The following RPS6KA5 variants were observed in gnomAD, a reference collection of about 807,000 sequenced individuals.
RPS6KA5 encodes ribosomal protein S6 kinase A5, also known as ribosomal protein S6 kinase alpha-5.
Under a neutral mutation model 85.5 loss-of-function variants are expected in RPS6KA5, and 27 were observed. That is an observed-to-expected ratio of 0.32 (90% CI 0.23 to 0.44). The LOEUF is 0.44. Among genes scored for constraint, RPS6KA5 ranks in the 20% least tolerant of loss-of-function variants. The probability of loss-of-function intolerance (pLI) is 1.00; values close to 1 mark genes in which losing one functional copy is unlikely to be tolerated. For synonymous variants in RPS6KA5, 334 were observed against 348.2 expected, an observed-to-expected ratio of 0.96 and a Z score of 0.46; for missense variants, 811 against 980.9, an observed-to-expected ratio of 0.83 and a Z score of 2.31.
chr14:90,978,017 T>G (rs1280916023), intron 3 of RPS6KA5, among the ~76,000 whole-genome samples: 6 of 151,940 alleles, frequency 3.9e-5, no homozygotes, highest in Admixed American at 6.6e-5. Flanking sequence ...ATTGTGCCAC[T>G]GCACTCCAGC....
In RPS6KA5 at chr14:90,945,291, C is replaced by T. The variant is rs539668981; in HGVS notation, c.511-2106G>A. 5.3e-5 allele frequency among the ~76,000 whole-genome samples: 8 copies of T among 152,262 alleles called. No homozygotes were observed. In the East Asian group the frequency reaches 1.5e-3, roughly 29 times the overall value. On this transcript the variant is annotated intron_variant, in intron 4 of 16. Coordinates refer to ENST00000614987, the MANE Select transcript of RPS6KA5 (RefSeq NM_004755.4). ...GAACACAAAAGTACTAGGCAATTTT[C>T]CTTTAAGAGCCCCAGTGTTCTACAA...
At chr14:90,998,211 G>A (rs540992820) in intron 2 of RPS6KA5, among the ~76,000 whole-genome samples, 1 of 152,258 alleles carries the variant, frequency 6.6e-6, no homozygotes, top group South Asian at 2.1e-4. Flanking sequence ...GGAGGATGGT[G>A]AGCTTGCTTG....
intron 5 of RPS6KA5, among the ~76,000 whole-genome samples, chr14:90,932,169 G>A (rs1595252189): frequency 6.6e-6 from 1 of 152,072 alleles, no homozygotes. Context: ...TGTCACCCAG[G>A]CTGGAGTGCA....
chr14:90,869,080 T>A lies in RPS6KA5; in HGVS notation c.*2994A>T, dbSNP rs2032936902. On this transcript the variant is annotated 3_prime_UTR_variant, in exon 17 of 17. Coordinates refer to ENST00000614987, the MANE Select transcript of RPS6KA5 (RefSeq NM_004755.4). The stretch of plus-strand genomic sequence containing the variant: ...TTTCTTAAGACAGGGTCTCGCTCTG[T>A]TGCCCAGGCTGGAGTGCAGTGGTGT... The A allele has an allele frequency of 6.6e-6, 1 of 152,380 alleles. No individual in the cohort carries two copies. The allele number at this position is 152,380 out of a possible 1,614,324, so 9.4% of individuals were successfully genotyped here. A position where few individuals can be genotyped will look rare whatever the true frequency, so the allele number is the denominator to read the frequency against.
intron 2 of RPS6KA5, among the ~76,000 whole-genome samples, chr14:90,987,068 T>C (rs1452160325): frequency 1.3e-5 from 2 of 152,252 alleles, no homozygotes; most frequent in African/African-American, 4.8e-5. Context: ...TGGAATCATC[T>C]TTTTATTATG....
rs144848351 is a variant in RPS6KA5 at position 90,875,144 on chromosome 14, G to A, written c.1996+57C>T. On this transcript the variant is annotated intron_variant, in intron 15 of 16. Coordinates refer to ENST00000614987, the MANE Select transcript of RPS6KA5 (RefSeq NM_004755.4). ...ATATGAATGTATGTGTAATGGCCAT[G>A]ATTCTACTTCAATCACTACACATCA... is the stretch of plus-strand genomic sequence containing the variant. The A allele has an allele frequency of 4.3e-5, 64 of 1,496,480 alleles. No individual in the cohort carries two copies. The African/African-American group carries it at 7.8e-4, about 18-fold the overall frequency. 92.7% of individuals were successfully genotyped at this position (1,496,480 alleles called of 1,614,324 possible).
At chr14:90,894,053 C>T (rs1787383815) in intron 13 of RPS6KA5, 1 of 938,276 alleles carries the variant, frequency 1.1e-6, no homozygotes, top group Non-Finnish European at 1.3e-6. Flanking sequence ...TTTCAAAATA[C>T]ATCATTTGGA....
rs1290199724 is a variant in RPS6KA5, at chr14:91,033,559, G to A, written c.103+26773C>T. ...AGAGTTTGCAATGAGCCGAGATCAC[G>A]CCACTGCACTCCAGCCTGGGCAACA... On this transcript the variant is annotated intron_variant, in intron 1 of 16. Transcript: ENST00000614987. Among the ~76,000 whole-genome samples the A allele has an allele frequency of 4.6e-5, 7 of 152,252 alleles. No individual in the cohort carries two copies. The South Asian group carries it at 1.2e-3, about 27-fold the overall frequency.
rs1205986603 is a variant in RPS6KA5 at position 90,850,340 on chromosome 14, C to T, written c.*21734G>A. The T allele has an allele frequency of 1.3e-5, 2 of 152,072 alleles. No individual in the cohort carries two copies. The highest frequency in any genetic ancestry group is 1.9e-4 in the East Asian group (1 of 5,200). 9.4% of individuals were successfully genotyped at this position (152,072 alleles called of 1,614,324 possible). A position where few individuals can be genotyped will look rare whatever the true frequency, so the allele number is the denominator to read the frequency against. ...GTAGTCAATTTTAAAAATAGACATC[C>T]TTTCCCTTCTTGCTCCCTCCCATAA... is the stretch of plus-strand genomic sequence containing the variant. On this transcript the variant is annotated 3_prime_UTR_variant, in exon 17 of 17. Coordinates refer to ENST00000614987, the MANE Select transcript of RPS6KA5 (RefSeq NM_004755.4).
chr14:90,964,829 C>A (rs1388962064), intron 3 of RPS6KA5, among the ~76,000 whole-genome samples: 1 of 143,738 alleles, frequency 7.0e-6, no homozygotes, highest in Non-Finnish European at 1.5e-5. Context: ...GCAGGAAGAT[C>A]ATTTGAGCCC....
At chr14:91,034,728 G>T (rs2012280) in intron 1 of RPS6KA5, among the ~76,000 whole-genome samples, 109,877 of 152,046 alleles carry the variant, frequency 0.72, 39,795 homozygotes, top group East Asian at 0.87. Flanking sequence ...ATCTTGCTGC[G>T]GTGCACTCTT....
intron 3 of RPS6KA5, among the ~76,000 whole-genome samples, chr14:90,974,780 G>C (rs138773275): frequency 1.3e-5 from 2 of 152,364 alleles, no homozygotes; most frequent in African/African-American, 4.8e-5. Flanking sequence ...AACACCAGGT[G>C]AGTGAGCCCA....
chr14:91,021,153 A>G (rs2041759063), intron 1 of RPS6KA5, among the ~76,000 whole-genome samples: 1 of 152,186 alleles, frequency 6.6e-6, no homozygotes, highest in Admixed American at 6.5e-5. Context: ...ATCTAGATTG[A>G]GCATTCACTG....
intron 2 of RPS6KA5, among the ~76,000 whole-genome samples, chr14:90,991,818 G>A (rs1316833085): frequency 4.0e-5 from 6 of 151,870 alleles, no homozygotes; most frequent in Non-Finnish European, 8.8e-5. Context: ...CAAGGTTAGT[G>A]ATAGGCCAAA....
At chr14:90,874,390 T>A (rs2033316515) in intron 15 of RPS6KA5, among the ~76,000 whole-genome samples, 1 of 152,090 alleles carries the variant, frequency 6.6e-6, no homozygotes, top group Non-Finnish European at 1.5e-5. Context: ...GAAGTGGCTA[T>A]GGAAGAGGAT....
intron 5 of RPS6KA5, among the ~76,000 whole-genome samples, chr14:90,927,923 CTTTCT>C (rs10654326): frequency 1.5e-5 from 2 of 135,834 alleles, no homozygotes; most frequent in Non-Finnish European, 3.1e-5. Context: ...TTTTCTCTTT[CTTTCT>C]TTTCTTTTCT....
At position 91,060,560 on chromosome 14, in the gene RPS6KA5, G is replaced by A; in HGVS notation, c.-126C>T. The A allele has an allele frequency of 8.7e-7, 1 of 1,144,920 alleles. No homozygotes were observed. 70.9% of individuals were successfully genotyped at this position (1,144,920 alleles called of 1,614,324 possible). A position where few individuals can be genotyped will look rare whatever the true frequency, so the allele number is the denominator to read the frequency against. On this transcript the variant is annotated 5_prime_UTR_variant, in exon 1 of 17. Transcript: ENST00000614987. ...GGTGCGGCGGCTCCAGAACTCGGAC[G>A]CAAAGACGAGTCTCTTTCCCGCTCT...
chr14:90,926,664 A>AGTGTGTGTGTGTGT (rs59637202), intron 5 of RPS6KA5, among the ~76,000 whole-genome samples: 83 of 143,308 alleles, frequency 5.8e-4, no homozygotes, highest in African/African-American at 1.9e-3. Flanking sequence ...TATATATTTA[A>AGTGTGTGTGTGTGT]GTGTGTGTGT....
chr14:90,903,518 C>T (rs1187287644), intron 8 of RPS6KA5, among the ~76,000 whole-genome samples: 1 of 152,180 alleles, frequency 6.6e-6, no homozygotes, highest in Non-Finnish European at 1.5e-5. Flanking sequence ...TCAAATGATA[C>T]CATCATATGG....
Sources: allele counts gnomAD v4.1 joint callset (sites outside exome capture counted in the v4.1 genomes callset), GRCh38; gene constraint gnomAD v4.1.1; transcripts MANE v1.5; gene names NCBI Gene and HGNC (gene_info 2026-07-23, HGNC 2026-07-21).